DPP10: variants seen among roughly 807,000 people sequenced by gnomAD.
The protein encoded by DPP10 is inactive dipeptidyl peptidase 10.
In DPP10, 33 loss-of-function variants were observed where a neutral mutation model predicts 120.9. That is an observed-to-expected ratio of 0.27 (90% CI 0.21 to 0.37). The LOEUF (loss-of-function observed/expected upper bound fraction) is 0.37. Among genes scored for constraint, DPP10 ranks in the 10% least tolerant of loss-of-function variants. DPP10 has a pLI of 1.00. For synonymous variants in DPP10, 337 were observed against 326.1 expected, an observed-to-expected ratio of 1.03 and a Z score of -0.36; for missense variants, 816 against 942.8, an observed-to-expected ratio of 0.87 and a Z score of 1.76.
intron 1 of DPP10, among the ~76,000 whole-genome samples, chr2:115,308,042 C>T (rs1250257084): frequency 6.6e-6 from 1 of 152,040 alleles, no homozygotes; most frequent in South Asian, 2.1e-4. Flanking sequence ...AAACAACAAA[C>T]AACAAAATGC....
intron 1 of DPP10, among the ~76,000 whole-genome samples, chr2:115,058,268 T>C (rs1290777336): frequency 3.0e-4 from 16 of 52,988 alleles, no homozygotes; most frequent in Non-Finnish European, 5.2e-4. Context: ...CTTTTAATCA[T>C]AAAGGGACAA....
intron 1 of DPP10, among the ~76,000 whole-genome samples, chr2:114,524,958 T>C (rs751787341): frequency 1.3e-5 from 2 of 152,300 alleles, no homozygotes; most frequent in Admixed American, 6.5e-5. Context: ...CTTCCAATCA[T>C]TGGTCATTGT....
intron 1 of DPP10, among the ~76,000 whole-genome samples, chr2:115,000,373 AT>A (rs148821669): frequency 6.6e-6 from 1 of 152,064 alleles, no homozygotes; most frequent in African/African-American, 2.4e-5. Flanking sequence ...TACCACTGAT[AT>A]TTTTTCTTTT....
chr2:114,785,311 G>C (rs994886954), intron 1 of DPP10, among the ~76,000 whole-genome samples: 13 of 151,924 alleles, frequency 8.6e-5, no homozygotes, highest in African/African-American at 2.9e-4. Flanking sequence ...GTGAGAAGTG[G>C]CTGTTTCTAT....
intron 1 of DPP10, among the ~76,000 whole-genome samples, chr2:115,054,697 G>A (rs947785723): frequency 6.6e-6 from 1 of 152,182 alleles, no homozygotes; most frequent in African/African-American, 2.4e-5. Context: ...TGGATCATGA[G>A]GTCAGGAGTT....
chr2:115,360,270 T>A (rs2064679423), intron 3 of DPP10, among the ~76,000 whole-genome samples: 1 of 152,210 alleles, frequency 6.6e-6, no homozygotes, highest in African/African-American at 2.4e-5. Flanking sequence ...GTCATTTGGA[T>A]GAGGCATTTT....
At chr2:114,808,543 CTTTT>C (rs71394111) in intron 1 of DPP10, among the ~76,000 whole-genome samples, 1 of 136,056 alleles carries the variant, frequency 7.3e-6, no homozygotes. Context: ...CGGAATCTAA[CTTTT>C]TTTTTTTTTT....
At chr2:115,821,792 A>C (rs1687844356) in intron 21 of DPP10, among the ~76,000 whole-genome samples, 1 of 152,006 alleles carries the variant, frequency 6.6e-6, no homozygotes, top group African/African-American at 2.4e-5. Context: ...CTACGGATGA[A>C]CATTTGCATT....
intron 1 of DPP10, among the ~76,000 whole-genome samples, chr2:114,620,943 C>G (rs1484282304): frequency 6.6e-6 from 1 of 151,996 alleles, no homozygotes; most frequent in Non-Finnish European, 1.5e-5. Flanking sequence ...AATATTGTAT[C>G]TCTACCAAGA....
At chr2:114,718,772 T>C (rs149068431) in intron 1 of DPP10, among the ~76,000 whole-genome samples, 1 of 152,308 alleles carries the variant, frequency 6.6e-6, no homozygotes, top group African/African-American at 2.4e-5. Context: ...AGTCATAGAA[T>C]TGTATAGCTG....
At chr2:115,659,279 T>C (rs989132400) in intron 5 of DPP10, among the ~76,000 whole-genome samples, 1 of 152,152 alleles carries the variant, frequency 6.6e-6, no homozygotes, top group Non-Finnish European at 1.5e-5. Context: ...GTCTCAGATA[T>C]TCTGGTATAG....
intron 5 of DPP10, among the ~76,000 whole-genome samples, chr2:115,675,347 C>G (rs954578404): frequency 1.3e-5 from 2 of 152,070 alleles, no homozygotes; most frequent in Admixed American, 6.6e-5. Context: ...TAAATGGATG[C>G]TTTAAAAAAA....
rs1677020178 is a variant in DPP10 at position 115,739,745 on chromosome 2, T to C, written c.704T>C (p.Leu235Pro). The C allele has an allele frequency of 6.2e-7, 1 of 1,613,098 alleles. No homozygotes were observed. The highest frequency in any genetic ancestry group is 8.5e-7 in the Non-Finnish European group (1 of 1,179,334). The change falls in exon 9 of 26, where the codon CTC becomes CCC. Residue 235 changes from leucine to proline, a missense_variant. This residue lies in a region of DPP10 where 42 missense variants were observed against 86.4 expected (regional missense o/e 0.49). Coordinates refer to ENST00000410059, the MANE Select transcript of DPP10 (RefSeq NM_020868.6). ...GIADWLYEEELLHSHIAHWWS... is the reference protein window; with the variant it reads ...GIADWLYEEEPLHSHIAHWWS... ...TAACACTCATTTATTCTAGAGGAAC[T>C]CCTGCATTCTCACATCGCCCACTGG...
chr2:114,772,910 T>C (rs146473744), intron 1 of DPP10, among the ~76,000 whole-genome samples: 232 of 152,308 alleles, frequency 1.5e-3, no homozygotes, highest in African/African-American at 5.3e-3. Flanking sequence ...GTAATGAGAT[T>C]TGAGCAACAT....
At chr2:114,822,486 C>A (rs547302682) in intron 1 of DPP10, among the ~76,000 whole-genome samples, 1 of 152,148 alleles carries the variant, frequency 6.6e-6, no homozygotes, top group Non-Finnish European at 1.5e-5. Flanking sequence ...ACATTTTCCC[C>A]GTTGTCTTGG....
chr2:115,323,882 A>G (rs1338362979), intron 2 of DPP10, among the ~76,000 whole-genome samples: 1 of 152,172 alleles, frequency 6.6e-6, no homozygotes, highest in East Asian at 1.9e-4. Flanking sequence ...TGTTTCATTT[A>G]TAAAGCACAA....
intron 1 of DPP10, among the ~76,000 whole-genome samples, chr2:114,843,788 C>T (rs912189544): frequency 2.0e-5 from 3 of 152,030 alleles, no homozygotes; most frequent in Non-Finnish European, 4.4e-5. Context: ...CTTTCCCTGC[C>T]GAGGGAGATT....
chr2:114,778,933 A>C (rs1047313933), intron 1 of DPP10, among the ~76,000 whole-genome samples: 10 of 152,108 alleles, frequency 6.6e-5, no homozygotes, highest in Non-Finnish European at 1.3e-4. Flanking sequence ...ATAAAAAATA[A>C]TGTATAATCT....
intron 1 of DPP10, among the ~76,000 whole-genome samples, chr2:114,820,374 C>T (rs537274118): frequency 5.3e-5 from 8 of 152,214 alleles, no homozygotes; most frequent in Non-Finnish European, 1.2e-4. Context: ...CAATTATTAC[C>T]CCTGTACTAT....
Sources: gnomAD v4.1 joint callset for allele counts (sites outside exome capture counted in the v4.1 genomes callset) on GRCh38, gnomAD v4.1.1 for gene constraint, gnomAD v4.1.1 regional missense constraint, MANE v1.5 for transcripts, NCBI Gene and HGNC (gene_info 2026-07-23, HGNC 2026-07-21) for gene names.